ATP5F1C: variants seen among roughly 807,000 people sequenced by gnomAD.
ATP5F1C encodes ATP synthase F1 subunit gamma.
A neutral mutation model predicts 37.4 loss-of-function variants in ATP5F1C; 22 were observed. The ratio of observed to expected loss-of-function variants is 0.59; its 90% CI spans 0.42 to 0.84. The LOEUF is 0.84. Among genes scored for constraint, ATP5F1C ranks in the 40% least tolerant of loss-of-function variants. The probability of loss-of-function intolerance (pLI) is 0.00; values close to 1 mark genes in which losing one functional copy is unlikely to be tolerated. For synonymous variants in ATP5F1C, 121 were observed against 128.0 expected, an observed-to-expected ratio of 0.95 and a Z score of 0.37; for missense variants, 286 against 362.4, an observed-to-expected ratio of 0.79 and a Z score of 1.71.
chr10:7,796,398 A>G, intron 2 of ATP5F1C: 1 of 341,818 alleles, frequency 2.9e-6, no homozygotes, highest in East Asian at 5.4e-5. Flanking sequence ...AAATTATACC[A>G]GTGTTGGTGT....
At chr10:7,796,966 C>G (rs1176323253) in intron 2 of ATP5F1C, 81 bp from the exon 3 acceptor site, 1 of 1,494,252 alleles carries the variant, frequency 6.7e-7, no homozygotes, top group East Asian at 2.3e-5. Flanking sequence ...CTGCCTTGCA[C>G]TTCAGAAAAA....
At position 7,796,124 on chromosome 10, in the gene ATP5F1C, T is replaced by A; in HGVS notation, c.60T>A (p.Ile20=). Residue 20 remains isoleucine (I), a synonymous_variant, in exon 2 of 10, where the codon ATT becomes ATA. Coordinates refer to ENST00000356708, the MANE Select transcript of ATP5F1C (RefSeq NM_001001973.3). ...LSAWTLQPQW[I]QVRNMATLKD... is the part of the protein sequence containing the mutation. ...TTTTTAAAACTTTTATCCTCAGGAT[T>A]CAAGTTCGAAATATGGCAACTTTGA... 6.3e-7 allele frequency: 1 copy of A among 1,592,350 alleles called. No homozygotes were observed. Among genetic ancestry groups the A allele is most frequent in the Non-Finnish European group, 8.5e-7 (1 of 1,173,128 alleles).
At chr10:7,792,303 T>A (rs949041340) in intron 1 of ATP5F1C, among the ~76,000 whole-genome samples, 1 of 152,218 alleles carries the variant, frequency 6.6e-6, no homozygotes, top group Non-Finnish European at 1.5e-5. Context: ...GAGAATCACC[T>A]GAGCCCAGGA....
intron 2 of ATP5F1C, chr10:7,796,462 T>C (rs1259107051): frequency 1.4e-5 from 3 of 218,578 alleles, no homozygotes; most frequent in South Asian, 1.4e-4. Flanking sequence ...AATAATGTTA[T>C]GGAATATGTG....
chr10:7,797,867 T>C (rs1040971116), intron 3 of ATP5F1C, among the ~76,000 whole-genome samples: 3 of 152,338 alleles, frequency 2.0e-5, no homozygotes, highest in Middle Eastern at 3.4e-3. Flanking sequence ...GTCTTCTTAA[T>C]GGAAAAGAGA....
Position 7,800,076 on chromosome 10 carries a change from A to G in ATP5F1C, c.622A>G (p.Thr208Ala), listed in dbSNP as rs1172584453. 6.2e-7 allele frequency: 1 copy of G among 1,614,010 alleles called. No homozygotes were observed. Among genetic ancestry groups the G allele is most frequent in the East Asian group, 2.2e-5 (1 of 44,880 alleles). Reference protein sequence around the residue: ...TEEKPIFSLNTVASADSMSIY... With the variant: ...TEEKPIFSLNAVASADSMSIY... Reference sequence around the variant, plus strand: ...AGAAAAGCCCATCTTTTCCCTTAATACCGTTGCAAGTGCTGGTAAGTAGTT... The same window carrying G: ...AGAAAAGCCCATCTTTTCCCTTAATGCCGTTGCAAGTGCTGGTAAGTAGTT... The change falls in exon 6 of 10, where the codon ACC becomes GCC. Residue 208 changes from threonine to alanine, a missense_variant. Physicochemically the swap from Thr to Ala is moderately conservative, Grantham distance 58. Transcript: ENST00000356708.
chr10:7,801,693 G>C (rs575206041), intron 6 of ATP5F1C: 4 of 153,288 alleles, frequency 2.6e-5, no homozygotes, highest in African/African-American at 9.6e-5. Flanking sequence ...CACATAGCCT[G>C]AAGGCAATTT....
chr10:7,807,316 C>T (rs1836501810), intron 9 of ATP5F1C, among the ~76,000 whole-genome samples: 1 of 152,068 alleles, frequency 6.6e-6, no homozygotes, highest in African/African-American at 2.4e-5. Context: ...TCTCTGGACC[C>T]CTTAATGTCT....
At chr10:7,802,572 T>C in intron 7 of ATP5F1C, 147 bp downstream of exon 7, 1 of 1,147,190 alleles carries the variant, frequency 8.7e-7, no homozygotes, top group Non-Finnish European at 1.2e-6. Flanking sequence ...TGATAGGTAG[T>C]TGATTTGCAA....
rs778866476 is a variant in ATP5F1C at position 7,802,828 on chromosome 10, T to C, written c.864T>C (p.Ile288=). The C allele has an allele frequency of 6.2e-7, 1 of 1,613,824 alleles. No homozygotes were observed. Among genetic ancestry groups the C allele is most frequent in the African/African-American group, 1.3e-5 (1 of 74,926 alleles). Residue 288 remains isoleucine, a synonymous_variant, in exon 8 of 10, where the codon ATT becomes ATC. Coordinates refer to ENST00000356708, the MANE Select transcript of ATP5F1C (RefSeq NM_001001973.3). ...TRQAVITKEL[I]EIISGAAALD ...AAGCTGTCATCACAAAAGAGTTGAT[T>C]GAAATTATCTCTGGTGCTGCAGCTC...
chr10:7,796,422 T>C, intron 2 of ATP5F1C: 1 of 296,440 alleles, frequency 3.4e-6, no homozygotes. Context: ...TGGGTGTATG[T>C]GTGGGAAGGG....
intron 6 of ATP5F1C, chr10:7,801,435 A>G (rs1015525339): frequency 6.6e-6 from 1 of 152,232 alleles, no homozygotes; most frequent in Admixed American, 6.5e-5. Flanking sequence ...TACAACATTA[A>G]AACTACGATT....
At chr10:7,802,537 C>T (rs967359058) in intron 7 of ATP5F1C, 112 bp downstream of exon 7, 1 of 1,294,246 alleles carries the variant, frequency 7.7e-7, no homozygotes. Flanking sequence ...ACATGATATT[C>T]CTGTACCTGT....
chr10:7,807,003 G>A lies in ATP5F1C; in HGVS notation c.*23G>A. On this transcript the variant is annotated 3_prime_UTR_variant, in exon 9 of 10. Coordinates refer to ENST00000356708, the MANE Select transcript of ATP5F1C (RefSeq NM_001001973.3). ...TAATGAAAATCAAGTTCCATCCTCA[G>A]ACAAGAGGTAAAGTTCACACATTCT... The A allele has an allele frequency of 6.2e-7, 1 of 1,611,346 alleles. No individual in the cohort carries two copies. Among genetic ancestry groups the A allele is most frequent in the Non-Finnish European group, 8.5e-7 (1 of 1,177,990 alleles).
intron 1 of ATP5F1C, among the ~76,000 whole-genome samples, chr10:7,794,587 G>C (rs1836209986): frequency 6.6e-6 from 1 of 151,748 alleles, no homozygotes; most frequent in South Asian, 2.1e-4. Flanking sequence ...GATTTTGTTG[G>C]ATGCTTTTTC....
Position 7,807,013 on chromosome 10 carries a change from A to C in ATP5F1C, c.*30+3A>C, listed in dbSNP as rs896331197. On this transcript the variant is annotated splice_donor_region_variant and intron_variant, in intron 9 of 9. Transcript: ENST00000356708. The stretch of plus-strand genomic sequence containing the variant: ...CAAGTTCCATCCTCAGACAAGAGGT[A>C]AAGTTCACACATTCTTCCCATGTCT... 14 of 1,609,454 alleles carry C rather than the reference A, an allele frequency of 8.7e-6. No homozygotes were observed. Among genetic ancestry groups the C allele is most frequent in the Non-Finnish European group, 1.2e-5 (14 of 1,176,256 alleles).
Position 7,802,302 on chromosome 10 carries a change from G to T in ATP5F1C, c.670G>T (p.Asp224Tyr), listed in dbSNP as rs754256888. 6.2e-7 allele frequency: 1 copy of T among 1,613,672 alleles called. No homozygotes were observed. Among genetic ancestry groups the T allele is most frequent in the East Asian group, 2.2e-5 (1 of 44,880 alleles). The change falls in exon 7 of 10, where the codon GAC becomes TAC. Residue 224 changes from aspartate to tyrosine, a missense_variant. By Grantham distance (160) the Asp-to-Tyr change is radical (BLOSUM62 -3). Transcript: ENST00000356708. Reference protein sequence around the residue: ...SMSIYDDIDADVLQNYQEYNL... With the variant: ...SMSIYDDIDAYVLQNYQEYNL... Reference sequence around the variant, plus strand: ...GAGTATCTATGACGATATTGATGCTGACGTGCTGCAAAATTACCAAGAATA... The same window carrying T: ...GAGTATCTATGACGATATTGATGCTTACGTGCTGCAAAATTACCAAGAATA...
At chr10:7,800,345 G>A (rs990986270) in intron 6 of ATP5F1C, among the ~76,000 whole-genome samples, 5 of 151,944 alleles carry the variant, frequency 3.3e-5, no homozygotes, top group African/African-American at 9.7e-5. Flanking sequence ...ACAGGCACCC[G>A]CCACCAAGCC....
chr10:7,805,916 A>C (rs1271001157), intron 8 of ATP5F1C, among the ~76,000 whole-genome samples: 2 of 151,974 alleles, frequency 1.3e-5, no homozygotes, highest in Non-Finnish European at 2.9e-5. Context: ...GCAAGACCCC[A>C]TCTCTACAAA....
Sources: gnomAD v4.1 joint callset for allele counts (sites outside exome capture counted in the v4.1 genomes callset) on GRCh38, gnomAD v4.1.1 for gene constraint, MANE v1.5 for transcripts, NCBI Gene and HGNC (gene_info 2026-07-23, HGNC 2026-07-21) for gene names.